The following DIAPH1 variants were observed in gnomAD, a reference collection of about 807,000 sequenced individuals.
DIAPH1 encodes diaphanous related formin 1.
Under a neutral mutation model 140.7 loss-of-function variants are expected in DIAPH1, and 46 were observed. The ratio of observed to expected loss-of-function variants is 0.33; its 90% CI spans 0.26 to 0.42. DIAPH1 has a LOEUF of 0.42. DIAPH1 is among the 10% of genes least tolerant of loss of function. The pLI, the probability that DIAPH1 is intolerant of heterozygous loss-of-function variation, is 1.00. For synonymous variants in DIAPH1, 565 were observed against 551.6 expected (o/e 1.02, Z -0.34); for missense variants, 1,310 against 1,558.7 (o/e 0.84, Z 2.69).
At chr5:141,527,485 AC>A in intron 24 of DIAPH1, 87 bp downstream of exon 24, 1 of 1,435,964 alleles carries the variant, frequency 7.0e-7, no homozygotes, top group Non-Finnish European at 9.5e-7. Flanking sequence ...AAAATTGCAT[AC>A]TGCCCTATCT....
chr5:141,525,303 G>A (rs2099887154), intron 26 of DIAPH1, among the ~76,000 whole-genome samples: 1 of 152,094 alleles, frequency 6.6e-6, no homozygotes, highest in African/African-American at 2.4e-5. Flanking sequence ...GAAGGTTTGT[G>A]GCCCCTCAGG....
At position 141,584,230 on chromosome 5, in the gene DIAPH1, G is replaced by A. The variant is rs190481949; in HGVS notation, c.301-5C>T. 194 of 1,590,320 alleles carry A rather than the reference G, an allele frequency of 1.2e-4. No homozygotes were observed. Among genetic ancestry groups the A allele is most frequent in the Non-Finnish European group, 1.5e-4 (175 of 1,159,074 alleles). On this transcript the variant is annotated splice_region_variant and splice_polypyrimidine_tract_variant and intron_variant, in intron 3 of 27. Transcript: ENST00000389054. The stretch of plus-strand genomic sequence containing the variant: ...CTCATTCAGGTTCATATCCAGCTAG[G>A]AGAGGGAGAAAAAAGAGAAAAAACA...
At chr5:141,528,675 T>C (rs752977576) in intron 22 of DIAPH1, 27 bp downstream of exon 22, 1 of 1,614,254 alleles carries the variant, frequency 6.2e-7, no homozygotes, top group Admixed American at 1.7e-5. Context: ...CTTCCTTGTG[T>C]TGTCCTGCCC....
chr5:141,613,235 C>A (rs1177844498), intron 1 of DIAPH1, among the ~76,000 whole-genome samples: 1 of 152,154 alleles, frequency 6.6e-6, no homozygotes, highest in Non-Finnish European at 1.5e-5. Context: ...CTATCCCCCG[C>A]CTTGGAGGAA....
At chr5:141,596,387 C>CA (rs1273863768) in intron 1 of DIAPH1, among the ~76,000 whole-genome samples, 1 of 151,992 alleles carries the variant, frequency 6.6e-6, no homozygotes, top group Non-Finnish European at 1.5e-5. Flanking sequence ...CCTGTAGTCC[C>CA]ACCTACTCAG....
At chr5:141,600,803 C>G (rs917972732) in intron 1 of DIAPH1, among the ~76,000 whole-genome samples, 10 of 152,164 alleles carry the variant, frequency 6.6e-5, no homozygotes, top group Non-Finnish European at 1.2e-4. Flanking sequence ...AGGAAAAAAT[C>G]TATTCCTTGT....
chr5:141,578,590 T>C lies in DIAPH1; in HGVS notation c.969A>G (p.Thr323=), dbSNP rs369453319. Residue 323 remains threonine (T), a synonymous_variant, in exon 10 of 28, where the codon ACA becomes ACG. Coordinates refer to ENST00000389054, the MANE Select transcript of DIAPH1 (RefSeq NM_005219.5). ...CTCGGAAGTCAAGTTCCTCCGCTGG[T>C]GTGATGAGAGCATTGATCAGCTGTA... ...GCLQLINALI[T]PAEELDFRVH... 189 of 1,613,530 alleles carry C rather than the reference T, an allele frequency of 1.2e-4. No individual in the cohort carries two copies. The highest frequency in any genetic ancestry group is 1.8e-4 in the Middle Eastern group (1 of 5,672).
intron 1 of DIAPH1, among the ~76,000 whole-genome samples, chr5:141,607,574 G>A (rs2099901175): frequency 6.6e-6 from 1 of 152,150 alleles, no homozygotes; most frequent in Admixed American, 6.5e-5. Flanking sequence ...GTTACAAAAT[G>A]TTAAATTTCA....
At chr5:141,571,328 CT>C in intron 18 of DIAPH1, 99 bp downstream of exon 18, 1 of 1,051,504 alleles carries the variant, frequency 9.5e-7, no homozygotes, top group South Asian at 1.5e-5. Flanking sequence ...AACCCTCAAT[CT>C]CTGGTCTCAG....
intron 1 of DIAPH1, 66 bp downstream of exon 1, chr5:141,618,732 G>A (rs2099903116): frequency 2.5e-6 from 3 of 1,208,070 alleles, no homozygotes; most frequent in Non-Finnish European, 3.5e-6. Context: ...CGCCCCAGGG[G>A]CCGGCTGCAG....
intron 3 of DIAPH1, 146 bp from the exon 4 acceptor site, chr5:141,584,371 C>T (rs1344861700): frequency 4.7e-6 from 3 of 634,062 alleles, no homozygotes; most frequent in Admixed American, 2.4e-5. Flanking sequence ...GAAATTTAAG[C>T]TATTACAGCT....
Position 141,570,773 on chromosome 5 carries a change from T to C in DIAPH1, c.2482+655A>G, listed in dbSNP as rs568919999. ...TGAAATTATTGGGCTATAATTGTCA[T>C]TATACATGACACAATCTTTCAAATA... On this transcript the variant is annotated intron_variant, in intron 18 of 27. Transcript: ENST00000389054. Among the ~76,000 whole-genome samples, 16 of 152,102 alleles carry C rather than the reference T, an allele frequency of 1.1e-4. No individual in the cohort carries two copies. In the East Asian group the frequency reaches 2.1e-3, roughly 20 times the overall value.
intron 18 of DIAPH1, among the ~76,000 whole-genome samples, chr5:141,552,884 G>C (rs2099891953): frequency 6.6e-6 from 1 of 152,120 alleles, no homozygotes; most frequent in Non-Finnish European, 1.5e-5. Context: ...CCTTGATCTT[G>C]GACTTCAAGC....
chr5:141,529,777 TAATCTTCCTAACA>T, intron 19 of DIAPH1, 80 bp from the exon 20 acceptor site: 3 of 1,274,964 alleles, frequency 2.4e-6, no homozygotes, highest in Non-Finnish European at 3.4e-6. Context: ...CTATGCTGGA[TAATCTTCCTAACA>T]GGGCTCTTTT....
chr5:141,596,856 A>G (rs534462517), intron 1 of DIAPH1, among the ~76,000 whole-genome samples: 10 of 152,346 alleles, frequency 6.6e-5, no homozygotes, highest in Admixed American at 2.0e-4. Context: ...ACATGAGAGA[A>G]AGCGGGGCTG....
At chr5:141,596,483 A>AAAATAAAT (rs550056548) in intron 1 of DIAPH1, among the ~76,000 whole-genome samples, 2 of 152,058 alleles carry the variant, frequency 1.3e-5, no homozygotes, top group Admixed American at 6.6e-5. Flanking sequence ...AGACAATCTC[A>AAAATAAAT]AAATAAATAA....
chr5:141,539,780 T>C (rs1440629270), intron 18 of DIAPH1, among the ~76,000 whole-genome samples: 2 of 152,162 alleles, frequency 1.3e-5, no homozygotes, highest in Admixed American at 6.5e-5. Flanking sequence ...TTGGTAGTAA[T>C]GTCTACTCTT....
intron 27 of DIAPH1, among the ~76,000 whole-genome samples, chr5:141,522,830 G>A (rs771877317): frequency 2.0e-5 from 3 of 152,160 alleles, no homozygotes; most frequent in Non-Finnish European, 2.9e-5. Flanking sequence ...TAGAAAGCCT[G>A]TACTCAGAGA....
At position 141,574,202 on chromosome 5, in the gene DIAPH1, T is replaced by G. The variant is rs528268486; in HGVS notation, c.1648A>C (p.Lys550Gln). The stretch of plus-strand genomic sequence containing the variant: ...GCATCTTCCAGTTCCTTTGTCAGCT[T>G]GGCAACCTACAGAAATAACATCAAT... ...EVSQLTGEVA[K>Q]LTKELEDAKK... is the part of the protein sequence containing the mutation. Residue 550 changes from lysine to glutamine, a missense_variant, in exon 16 of 28, where the codon AAG (lysine) becomes CAG (glutamine). Transcript: ENST00000389054. 6.8e-6 allele frequency: 11 copies of G among 1,614,120 alleles called. No homozygotes were observed. The South Asian group carries it at 1.1e-4, about 16-fold the overall frequency.
Sources: gnomAD v4.1 joint callset for allele counts (sites outside exome capture counted in the v4.1 genomes callset) on GRCh38, gnomAD v4.1.1 for gene constraint, MANE v1.5 for transcripts, NCBI Gene and HGNC (gene_info 2026-07-23, HGNC 2026-07-21) for gene names.